The following CAMTA1 variants were observed in gnomAD, a reference collection of about 807,000 sequenced individuals.
CAMTA1 encodes the protein calmodulin binding transcription activator 1, also known as calmodulin-binding transcription activator 1.
Under a neutral mutation model 170.9 loss-of-function variants are expected in CAMTA1, and 27 were observed. The ratio of observed to expected loss-of-function variants is 0.16; its 90% CI spans 0.12 to 0.22. The LOEUF is 0.22. CAMTA1 is among the 10% of genes least tolerant of loss of function. The probability of loss-of-function intolerance (pLI) is 1.00; values close to 1 mark genes in which losing one functional copy is unlikely to be tolerated. For missense variants in CAMTA1, 1,619 were observed against 2,217.2 expected, an observed-to-expected ratio of 0.73 and a Z score of 5.42; for synonymous variants, 833 against 891.5, an observed-to-expected ratio of 0.93 and a Z score of 1.17.
At chr1:7,432,376 G>A (rs1319957821) in intron 5 of CAMTA1, among the ~76,000 whole-genome samples, 2 of 152,348 alleles carry the variant, frequency 1.3e-5, no homozygotes, top group East Asian at 3.9e-4. Context: ...GTCCCAGGGA[G>A]TTCAATCCAG....
At position 7,532,544 on chromosome 1, in the gene CAMTA1, C is replaced by G. The variant is rs2094503973; in HGVS notation, c.510+64643C>G. ...CTTGAACTCCTGGGCTCAATCAATC[C>G]TCCCATTTCGGCCCCCCGAGTTCAG... On this transcript the variant is annotated intron_variant, in intron 6 of 22. Coordinates refer to ENST00000303635, the MANE Select transcript of CAMTA1 (RefSeq NM_015215.4). This position sits in a 1 kb window ranked among gnomAD's most constrained non-coding sequence, Gnocchi z 4.2. Among the ~76,000 whole-genome samples the G allele has an allele frequency of 6.6e-6, 1 of 152,178 alleles. No individual in the cohort carries two copies. Among genetic ancestry groups the G allele is most frequent in the African/African-American group, 2.4e-5 (1 of 41,434 alleles).
chr1:6,815,017 A>C (rs1436046849), intron 1 of CAMTA1, among the ~76,000 whole-genome samples: 1 of 152,168 alleles, frequency 6.6e-6, no homozygotes, highest in East Asian at 1.9e-4. Flanking sequence ...CATGGCTTCA[A>C]AGAGTTTCTG....
Position 6,891,951 on chromosome 1 carries a change from G to A in CAMTA1, c.234+66741G>A, listed in dbSNP as rs189952463. Among the ~76,000 whole-genome samples, 3 of 152,308 alleles carry A rather than the reference G, an allele frequency of 2.0e-5. No homozygotes were observed. In the East Asian group the frequency reaches 5.8e-4, roughly 29 times the overall value. On this transcript the variant is annotated intron_variant, in intron 3 of 22. Coordinates refer to ENST00000303635, the MANE Select transcript of CAMTA1 (RefSeq NM_015215.4). Reference sequence around the variant, plus strand: ...TGAATGTTGTAAGGGAGGCCAAGGAGTGGCCTGGTGAGACTGCACAGCCAG... The same window carrying A: ...TGAATGTTGTAAGGGAGGCCAAGGAATGGCCTGGTGAGACTGCACAGCCAG...
Position 7,248,769 on chromosome 1 carries a change from G to A in CAMTA1, c.303-722G>A, listed in dbSNP as rs959601890. Among the ~76,000 whole-genome samples the A allele has an allele frequency of 6.6e-6, 1 of 151,984 alleles. No homozygotes were observed. The highest frequency in any genetic ancestry group is 2.4e-5 in the African/African-American group (1 of 41,348). On this transcript the variant is annotated intron_variant, in intron 4 of 22. Transcript: ENST00000303635. The surrounding 1 kb of genome is among the most constrained non-coding windows in gnomAD (Gnocchi z 4.0). ...TTCTTTACCTTTTTCATCATCACAC[G>A]AATGACCATCTAACTCTTAGCATTT...
At chr1:6,987,923 T>C (rs905701734) in intron 3 of CAMTA1, among the ~76,000 whole-genome samples, 1 of 152,096 alleles carries the variant, frequency 6.6e-6, no homozygotes, top group Non-Finnish European at 1.5e-5. Context: ...CCGGCGTCTG[T>C]CATCTTTGAT....
chr1:7,141,858 C>T (rs546421361), intron 4 of CAMTA1, among the ~76,000 whole-genome samples: 214 of 152,252 alleles, frequency 1.4e-3, no homozygotes, highest in African/African-American at 4.8e-3. Context: ...GGTCATCAGA[C>T]GGGAATGGAA....
chr1:7,754,461 G>T (rs1036327460), intron 21 of CAMTA1, among the ~76,000 whole-genome samples: 3 of 152,130 alleles, frequency 2.0e-5, no homozygotes, highest in Admixed American at 2.0e-4. Flanking sequence ...GCTGTGTCCC[G>T]TGTTTACTTT....
intron 3 of CAMTA1, among the ~76,000 whole-genome samples, chr1:6,843,155 T>C (rs1656580805): frequency 6.6e-6 from 1 of 152,204 alleles, no homozygotes; most frequent in Non-Finnish European, 1.5e-5. Flanking sequence ...TACACTTTTT[T>C]CCTTTCTGAA....
intron 7 of CAMTA1, among the ~76,000 whole-genome samples, chr1:7,655,511 C>G (rs759778872): frequency 1.6e-5 from 2 of 123,084 alleles, no homozygotes; most frequent in Non-Finnish European, 3.5e-5. Context: ...CATACACACA[C>G]CTATGTACAC....
At chr1:7,475,269 T>C (rs2093402175) in intron 6 of CAMTA1, among the ~76,000 whole-genome samples, 1 of 152,228 alleles carries the variant, frequency 6.6e-6, no homozygotes. Flanking sequence ...GCACTGGCTC[T>C]GTACCTGGGC....
rs1346091410 is a variant in CAMTA1 at position 6,918,814 on chromosome 1, G to T, written c.234+93604G>T. 6.6e-6 allele frequency among the ~76,000 whole-genome samples: 1 copy of T among 152,176 alleles called. No homozygotes were observed. The highest frequency in any genetic ancestry group is 2.4e-5 in the African/African-American group (1 of 41,430). The stretch of plus-strand genomic sequence containing the variant: ...CCAGCCTGTCACCCTGTGGCTGGAG[G>T]GTGGCTTGCTGCCACTTGATGCAGA... On this transcript the variant is annotated intron_variant, in intron 3 of 22. Transcript: ENST00000303635. This position sits in a 1 kb window ranked among gnomAD's most constrained non-coding sequence, Gnocchi z 4.0.
intron 3 of CAMTA1, among the ~76,000 whole-genome samples, chr1:6,886,500 C>G (rs1477456255): frequency 6.6e-6 from 1 of 152,240 alleles, no homozygotes; most frequent in Non-Finnish European, 1.5e-5. Context: ...GCAGCATGCT[C>G]TTTTCAGTAC....
intron 3 of CAMTA1, among the ~76,000 whole-genome samples, chr1:7,036,251 A>G (rs978633856): frequency 2.0e-5 from 3 of 152,210 alleles, no homozygotes; most frequent in African/African-American, 4.8e-5. Flanking sequence ...ATTATCCTCT[A>G]TAGGTTTTGG....
chr1:7,252,495 G>T (rs192338752), intron 5 of CAMTA1, among the ~76,000 whole-genome samples: 1 of 152,346 alleles, frequency 6.6e-6, no homozygotes, highest in East Asian at 1.9e-4. Flanking sequence ...GGGTGGGGAA[G>T]CCCAGGGGGT....
chr1:7,041,200 G>A lies in CAMTA1; in HGVS notation c.235-50104G>A, dbSNP rs1189959041. On this transcript the variant is annotated intron_variant, in intron 3 of 22. Coordinates refer to ENST00000303635, the MANE Select transcript of CAMTA1 (RefSeq NM_015215.4). The surrounding 1 kb of genome is among the most constrained non-coding windows in gnomAD (Gnocchi z 5.1). ...CACCCTTGGTTCATTTTCTACACGA[G>A]GCCCCACACGGCCCCGGAGCTGGAG... is the stretch of plus-strand genomic sequence containing the variant. 3.3e-5 allele frequency among the ~76,000 whole-genome samples: 5 copies of A among 152,256 alleles called. No homozygotes were observed. Among genetic ancestry groups the A allele is most frequent in the African/African-American group, 1.2e-4 (5 of 41,474 alleles).
intron 5 of CAMTA1, among the ~76,000 whole-genome samples, chr1:7,430,232 G>T (rs944208977): frequency 2.6e-5 from 4 of 152,020 alleles, no homozygotes; most frequent in African/African-American, 9.7e-5. Context: ...TGGTGATGAT[G>T]ATGATGGTGG....
At chr1:6,868,081 A>G (rs1297000519) in intron 3 of CAMTA1, among the ~76,000 whole-genome samples, 1 of 151,732 alleles carries the variant, frequency 6.6e-6, no homozygotes, top group Non-Finnish European at 1.5e-5. Context: ...GTGGGATTAT[A>G]GGCGTGAGCC....
chr1:6,893,596 C>T (rs1037649422), intron 3 of CAMTA1, among the ~76,000 whole-genome samples: 1 of 152,184 alleles, frequency 6.6e-6, no homozygotes, highest in East Asian at 1.9e-4. Context: ...GCTTCACATG[C>T]GCACTGAGGG....
At position 6,893,750 on chromosome 1, in the gene CAMTA1, G is replaced by A. The variant is rs147802418; in HGVS notation, c.234+68540G>A. Among the ~76,000 whole-genome samples the A allele has an allele frequency of 5.4e-3, 820 of 152,218 alleles. 8 individuals are homozygous for A. Among genetic ancestry groups the A allele is most frequent in the African/African-American group, 0.018 (743 of 41,512 alleles). On this transcript the variant is annotated intron_variant, in intron 3 of 22. Transcript: ENST00000303635. Reference sequence around the variant, plus strand: ...GACCCATAATCCTTGCTTTTGTACCGTTCTGTATTCCGTTTGTCAGGCTGC... The same window carrying A: ...GACCCATAATCCTTGCTTTTGTACCATTCTGTATTCCGTTTGTCAGGCTGC...
Sources: gnomAD v4.1 joint callset for allele counts (sites outside exome capture counted in the v4.1 genomes callset) on GRCh38, gnomAD v4.1.1 for gene constraint, Gnocchi (gnomAD v3.1) non-coding constraint, MANE v1.5 for transcripts, NCBI Gene and HGNC (gene_info 2026-07-23, HGNC 2026-07-21) for gene names.